MTMR10: variants seen among roughly 807,000 people sequenced by gnomAD.
The protein encoded by MTMR10 is myotubularin related protein 10, also known as myotubularin-related protein 10.
In MTMR10, 56 loss-of-function variants were observed where a neutral mutation model predicts 88.1. The ratio of observed to expected loss-of-function variants is 0.64; its 90% CI spans 0.51 to 0.79. The LOEUF is 0.79. Among genes scored for constraint, MTMR10 ranks in the 30% least tolerant of loss-of-function variants. The pLI, the probability that MTMR10 is intolerant of heterozygous loss-of-function variation, is 0.00. For missense variants in MTMR10, 883 were observed against 924.7 expected (o/e 0.95, Z 0.58); for synonymous variants, 380 against 340.9 (o/e 1.11, Z -1.26).
the MTMR10 span, among the ~76,000 whole-genome samples, chr15:30,924,034 T>TGTG: frequency 6.6e-6 from 1 of 152,336 alleles, no homozygotes; most frequent in Non-Finnish European, 1.5e-5. Flanking sequence ...ACGTCTCATC[T>TGTG]ACTTTTTGTG....
intron 6 of MTMR10, among the ~76,000 whole-genome samples, chr15:30,966,475 A>T (rs2141033288): frequency 6.6e-6 from 1 of 152,316 alleles, no homozygotes; most frequent in African/African-American, 2.4e-5. Flanking sequence ...TTGGAAAAAC[A>T]GCAGCATGAA....
chr15:30,941,338 A>C lies in MTMR10; in HGVS notation c.*132T>G, dbSNP rs1422685628. 1 of 1,534,168 alleles carries C rather than the reference A, an allele frequency of 6.5e-7. No individual in the cohort carries two copies. The highest frequency in any genetic ancestry group is 8.7e-7 in the Non-Finnish European group (1 of 1,144,694). ...AGAAGCATGATTCAACATGTTTTTAAATATTAGTGCAAATTCCAACTATTA... is the reference window on the plus strand; with the variant it reads ...AGAAGCATGATTCAACATGTTTTTACATATTAGTGCAAATTCCAACTATTA... On this transcript the variant is annotated 3_prime_UTR_variant, in exon 16 of 16. Coordinates refer to ENST00000435680, the MANE Select transcript of MTMR10 (RefSeq NM_017762.3).
chr15:30,943,525 CG>C, intron 14 of MTMR10: 2 of 985,378 alleles, frequency 2.0e-6, no homozygotes, highest in Non-Finnish European at 2.4e-6. Context: ...TAACTTACTT[CG>C]TAAGTGGGGA....
chr15:30,925,645 C>G, the MTMR10 span: 1 of 945,212 alleles, frequency 1.1e-6, no homozygotes, highest in Non-Finnish European at 1.6e-6. Context: ...CCCCGCAGTT[C>G]TGCGTGTGTG....
At chr15:30,929,178 A>G in the MTMR10 span, 7 of 1,606,182 alleles carry the variant, frequency 4.4e-6, no homozygotes, top group Non-Finnish European at 5.1e-6. Flanking sequence ...GCACAGTATG[A>G]CAGCTTGCTT....
At chr15:30,937,071 T>C (rs2062875571), downstream of MTMR10, 2 of 1,525,216 alleles carry the variant, frequency 1.3e-6, no homozygotes, top group South Asian at 2.4e-5. Flanking sequence ...TGAATGGCTT[T>C]TCATTCAGTA....
the MTMR10 span, among the ~76,000 whole-genome samples, chr15:30,923,231 GCTATTTC>G: frequency 2.6e-5 from 4 of 152,162 alleles, no homozygotes; most frequent in African/African-American, 9.7e-5. Flanking sequence ...AGCCAGTAAA[GCTATTTC>G]CTCTCATGGA....
chr15:30,951,928 G>T, intron 12 of MTMR10, 40 bp downstream of exon 12: 1 of 1,546,070 alleles, frequency 6.5e-7, no homozygotes, highest in Non-Finnish European at 8.9e-7. Context: ...AGGCTGGCTG[G>T]TATGGTGGTC....
chr15:30,949,901 G>A (rs2063219735), intron 12 of MTMR10: 1 of 152,204 alleles, frequency 6.6e-6, no homozygotes. Context: ...TATATGAAAT[G>A]CCCAGAAAGG....
intron 6 of MTMR10, among the ~76,000 whole-genome samples, chr15:30,966,426 A>G (rs1464282562): frequency 6.6e-6 from 1 of 152,208 alleles, no homozygotes; most frequent in Non-Finnish European, 1.5e-5. Context: ...ACATTACTGT[A>G]GAAGTTATGG....
At chr15:30,920,118 G>A in the MTMR10 span, among the ~76,000 whole-genome samples, 6 of 152,222 alleles carry the variant, frequency 3.9e-5, no homozygotes, top group African/African-American at 1.2e-4. Flanking sequence ...GTATGCAAAT[G>A]AATGAGCCTG....
downstream of MTMR10, among the ~76,000 whole-genome samples, chr15:30,935,408 CT>C (rs2140967424): frequency 6.6e-6 from 1 of 152,206 alleles, no homozygotes; most frequent in East Asian, 1.9e-4. Context: ...GTTTCTGCTT[CT>C]GTAGATGCAA....
At chr15:30,933,153 T>C in the MTMR10 span, among the ~76,000 whole-genome samples, 2 of 152,206 alleles carry the variant, frequency 1.3e-5, no homozygotes, top group East Asian at 1.9e-4. Context: ...ATTTACTGAT[T>C]TTCTCGAAGA....
At position 30,940,040 on chromosome 15, in the gene MTMR10, C is replaced by T. The variant is rs2062985850; in HGVS notation, c.*1430G>A. On this transcript the variant is annotated 3_prime_UTR_variant, in exon 16 of 16. Transcript: ENST00000435680. ...ATTCAGTACATATAAAGGTAAAATA[C>T]AGTTATCTTGAAAACACTTGTTTTA... 1 of 978,032 alleles carries T rather than the reference C, an allele frequency of 1.0e-6. No individual in the cohort carries two copies. The highest frequency in any genetic ancestry group is 6.2e-5 in the Admixed American group (1 of 16,256). The allele number at this position is 978,032 out of a possible 1,614,324, so 60.6% of individuals were successfully genotyped here. A position where few individuals can be genotyped will look rare whatever the true frequency, so the allele number is the denominator to read the frequency against.
chr15:30,960,569 T>C (rs552027309), intron 7 of MTMR10, among the ~76,000 whole-genome samples: 1 of 152,170 alleles, frequency 6.6e-6, no homozygotes, highest in South Asian at 2.1e-4. Context: ...AAGAGACATA[T>C]TAAGCAAATT....
Position 30,983,527 on chromosome 15 carries a change from G to A in MTMR10, c.122-6572C>T, listed in dbSNP as rs1364953590. On this transcript the variant is annotated intron_variant, in intron 2 of 15. Transcript: ENST00000435680. ...CCTTATACATTTAGAAATTCATCAC[G>A]TTTGATGGACAGAAATAATGTTTCC... Among the ~76,000 whole-genome samples the A allele has an allele frequency of 2.0e-5, 3 of 152,258 alleles. No homozygotes were observed. The East Asian group carries it at 5.8e-4, about 29-fold the overall frequency.
intron 3 of MTMR10, among the ~76,000 whole-genome samples, chr15:30,975,546 G>A (rs1334050827): frequency 6.6e-6 from 1 of 152,128 alleles, no homozygotes; most frequent in Non-Finnish European, 1.5e-5. Context: ...CTCATTTACA[G>A]TGAAGTCTGG....
the MTMR10 span, among the ~76,000 whole-genome samples, chr15:30,930,028 T>A: frequency 7.3e-6 from 1 of 137,872 alleles, no homozygotes; most frequent in Admixed American, 8.1e-5. Flanking sequence ...TATAATAATA[T>A]ATATATTAAT....
chr15:30,935,269 C>A (rs2062820195), downstream of MTMR10, among the ~76,000 whole-genome samples: 1 of 151,702 alleles, frequency 6.6e-6, no homozygotes, highest in South Asian at 2.1e-4. Flanking sequence ...GATCATACCA[C>A]TGTATACCAG....
Sources: allele counts gnomAD v4.1 joint callset (sites outside exome capture counted in the v4.1 genomes callset), GRCh38; gene constraint gnomAD v4.1.1; transcripts MANE v1.5; gene names NCBI Gene and HGNC (gene_info 2026-07-23, HGNC 2026-07-21).